NIN: variants seen among roughly 807,000 people sequenced by gnomAD.
The protein encoded by NIN is glycogen synthase kinase 3 beta-interacting protein.
Under a neutral mutation model 257.6 loss-of-function variants are expected in NIN, and 137 were observed. The ratio of observed to expected loss-of-function variants is 0.53; its 90% CI spans 0.46 to 0.61. The LOEUF is 0.61. NIN is among the 20% of genes least tolerant of loss of function. The pLI is 0.00. For missense variants in NIN, 2,439 were observed against 2,501.2 expected, an observed-to-expected ratio of 0.98 and a Z score of 0.53; for synonymous variants, 918 against 919.8, an observed-to-expected ratio of 1.00 and a Z score of 0.04.
At chr14:50,793,839 A>G (rs1437246459) in intron 4 of NIN, among the ~76,000 whole-genome samples, 1 of 147,704 alleles carries the variant, frequency 6.8e-6, no homozygotes, top group East Asian at 1.9e-4. Flanking sequence ...TATCTCAGCT[A>G]TAGATTTTTT....
intron 2 of NIN, among the ~76,000 whole-genome samples, chr14:50,822,343 C>T (rs765033148): frequency 1.3e-5 from 2 of 152,156 alleles, no homozygotes; most frequent in Non-Finnish European, 2.9e-5. Context: ...GAGAGGGTCA[C>T]GTACAGTAGA....
chr14:50,785,931 G>A (rs2043328658), intron 5 of NIN, among the ~76,000 whole-genome samples: 1 of 152,206 alleles, frequency 6.6e-6, no homozygotes, highest in South Asian at 2.1e-4. Context: ...AGCTCCTAAG[G>A]CCAGGGTTGT....
chr14:50,719,801 T>C lies in NIN; in HGVS notation c.*3662A>G, dbSNP rs2040238096. 1.1e-5 allele frequency: 2 copies of C among 189,810 alleles called. No homozygotes were observed. The highest frequency in any genetic ancestry group is 6.1e-5 in the Admixed American group (1 of 16,268). 11.8% of individuals were successfully genotyped at this position (189,810 alleles called of 1,614,324 possible). ...GAAACTTTATTAAAAGGTCAGGGTA[T>C]ATAGAAAACAAAAGGCATGTTTGCA... On this transcript the variant is annotated 3_prime_UTR_variant, in exon 31 of 31. Transcript: ENST00000530997.
intron 3 of NIN, among the ~76,000 whole-genome samples, chr14:50,815,953 C>T (rs1185456404): frequency 6.6e-6 from 1 of 152,154 alleles, no homozygotes; most frequent in East Asian, 1.9e-4. Flanking sequence ...TTGCAGTGAG[C>T]TGAGATTGCA....
In NIN at chr14:50,720,014, T is replaced by C; in HGVS notation, c.*3449A>G. On this transcript the variant is annotated 3_prime_UTR_variant, in exon 31 of 31. Transcript: ENST00000530997. ...GTTCCCTTAAGTCATGCCATGATAATGTCTCCCCATTAAGAACTTAACTTG... is the reference window on the plus strand; with the variant it reads ...GTTCCCTTAAGTCATGCCATGATAACGTCTCCCCATTAAGAACTTAACTTG... 4.6e-6 allele frequency: 1 copy of C among 217,578 alleles called. No individual in the cohort carries two copies. Among genetic ancestry groups the C allele is most frequent in the South Asian group, 1.9e-4 (1 of 5,378 alleles). 13.5% of individuals were successfully genotyped at this position (217,578 alleles called of 1,614,324 possible).
At chr14:50,829,773 G>C (rs769810874) in intron 2 of NIN, among the ~76,000 whole-genome samples, 1 of 152,182 alleles carries the variant, frequency 6.6e-6, no homozygotes, top group Non-Finnish European at 1.5e-5. Flanking sequence ...TGGGGTTAGG[G>C]AAATTGCCTC....
At chr14:50,804,970 CTG>C (rs1227181008) in intron 4 of NIN, among the ~76,000 whole-genome samples, 12 of 152,200 alleles carry the variant, frequency 7.9e-5, no homozygotes, top group Non-Finnish European at 1.6e-4. Flanking sequence ...ATGTACAACT[CTG>C]TGCGGGGACC....
At chr14:50,734,407 A>G (rs1352080681) in intron 28 of NIN, among the ~76,000 whole-genome samples, 1 of 152,018 alleles carries the variant, frequency 6.6e-6, no homozygotes, top group Non-Finnish European at 1.5e-5. Context: ...TCTTCTTATA[A>G]TTCTGGCTTA....
intron 4 of NIN, among the ~76,000 whole-genome samples, chr14:50,800,007 T>TACACACAC (rs71118902): frequency 0.022 from 3,295 of 148,160 alleles, 57 homozygotes; most frequent in East Asian, 0.034. Flanking sequence ...TATATACACA[T>TACACACAC]ACACACACAC....
chr14:50,741,764 ACT>A, intron 24 of NIN, 36 bp from the exon 25 acceptor site: 1 of 1,605,006 alleles, frequency 6.2e-7, no homozygotes, highest in Non-Finnish European at 8.5e-7. Context: ...TGCTACACAA[ACT>A]CTTGTGGTCT....
intron 3 of NIN, among the ~76,000 whole-genome samples, chr14:50,808,728 A>G (rs1343507249): frequency 2.0e-5 from 3 of 152,240 alleles, no homozygotes; most frequent in Non-Finnish European, 4.4e-5. Context: ...TGTCACAGAG[A>G]GTCCAGGCAG....
At chr14:50,742,833 A>T (rs1329310469) in intron 24 of NIN, among the ~76,000 whole-genome samples, 1 of 152,246 alleles carries the variant, frequency 6.6e-6, no homozygotes, top group African/African-American at 2.4e-5. Flanking sequence ...AGTCCTATCT[A>T]TAAATTAGGA....
At chr14:50,789,090 C>A (rs1307815508) in intron 5 of NIN, among the ~76,000 whole-genome samples, 1 of 152,208 alleles carries the variant, frequency 6.6e-6, no homozygotes, top group African/African-American at 2.4e-5. Context: ...GGCTCCAGAT[C>A]CCCATCTTAT....
chr14:50,757,878 G>T lies in NIN; in HGVS notation c.3152C>A (p.Ser1051Tyr). 1 of 1,614,104 alleles carries T rather than the reference G, an allele frequency of 6.2e-7. No homozygotes were observed. The highest frequency in any genetic ancestry group is 8.5e-7 in the Non-Finnish European group (1 of 1,180,030). Reference protein sequence around the residue: ...EEEVEGDGALSLLQQGEQLLE... With the variant: ...EEEVEGDGALYLLQQGEQLLE... ...CAGCTGCTCCCCTTGCTGAAGCAGGGACAGGGCTCCATCTCCTTCCACCTC... is the reference window on the plus strand; with the variant it reads ...CAGCTGCTCCCCTTGCTGAAGCAGGTACAGGGCTCCATCTCCTTCCACCTC... Residue 1051 changes from serine (S) to tyrosine (Y), a missense_variant, in exon 18 of 31, where the codon TCC (serine) becomes TAC (tyrosine). Ser to Tyr is a moderately radical substitution (Grantham distance 144, BLOSUM62 -2). Coordinates refer to ENST00000530997, the MANE Select transcript of NIN (RefSeq NM_020921.4).
chr14:50,726,574 A>G (rs1407931244), intron 29 of NIN, among the ~76,000 whole-genome samples: 1 of 152,178 alleles, frequency 6.6e-6, no homozygotes, highest in Non-Finnish European at 1.5e-5. Flanking sequence ...TTCTTTCTTC[A>G]TAATAGCCTC....
At chr14:50,780,523 G>T (rs1309244920) in intron 5 of NIN, among the ~76,000 whole-genome samples, 2 of 152,202 alleles carry the variant, frequency 1.3e-5, no homozygotes, top group East Asian at 3.8e-4. Context: ...AATACGAGTT[G>T]AAGTTCTTCT....
At chr14:50,821,528 T>A (rs569928461) in intron 3 of NIN, among the ~76,000 whole-genome samples, 3 of 152,336 alleles carry the variant, frequency 2.0e-5, no homozygotes, top group African/African-American at 7.2e-5. Context: ...CTGCATTTTC[T>A]TTCTCTTCAA....
In NIN at chr14:50,743,447, A is replaced by G. The variant is rs757481569; in HGVS notation, c.5270T>C (p.Leu1757Ser). ...CTGAGAAGCCACCAGCTGTGACTTT[A>G]AGCTCGCACTCTGATGTTCCCAGGA... is the stretch of plus-strand genomic sequence containing the variant. ...QKSWEHQSAS[L>S]KSQLVASQEK... is the part of the protein sequence containing the mutation. Residue 1757 changes from leucine (L) to serine (S), a missense_variant, in exon 24 of 31, where the codon TTA becomes TCA. By Grantham distance (145) the Leu-to-Ser change is moderately radical. Around this residue, in one of 3 missense-constraint regions of NIN, gnomAD observed 2,043 missense variants for 2,050.2 expected, o/e 1.00. Coordinates refer to ENST00000530997, the MANE Select transcript of NIN (RefSeq NM_020921.4). The G allele has an allele frequency of 1.2e-6, 2 of 1,613,354 alleles. No homozygotes were observed. The highest frequency in any genetic ancestry group is 1.7e-6 in the Non-Finnish European group (2 of 1,179,280).
At chr14:50,827,541 A>G (rs1051955477) in intron 2 of NIN, among the ~76,000 whole-genome samples, 4 of 151,368 alleles carry the variant, frequency 2.6e-5, no homozygotes, top group African/African-American at 9.7e-5. Flanking sequence ...AGGTCAGGAG[A>G]TCGGGGCCAT....
Sources: allele counts gnomAD v4.1 joint callset (sites outside exome capture counted in the v4.1 genomes callset), GRCh38; gene constraint gnomAD v4.1.1; regional missense constraint gnomAD v4.1.1; transcripts MANE v1.5; gene names NCBI Gene and HGNC (gene_info 2026-07-23, HGNC 2026-07-21).